AKAP8: variants seen among roughly 807,000 people sequenced by gnomAD.
The protein encoded by AKAP8 is A-kinase anchoring protein 8.
A neutral mutation model predicts 67.5 loss-of-function variants in AKAP8; 24 were observed. That is an observed-to-expected ratio of 0.36 (90% CI 0.26 to 0.50). AKAP8 has a LOEUF of 0.50. Among genes scored for constraint, AKAP8 ranks in the 20% least tolerant of loss-of-function variants. The probability of loss-of-function intolerance (pLI) is 0.97; values close to 1 mark genes in which losing one functional copy is unlikely to be tolerated. For missense variants in AKAP8, 971 were observed against 955.9 expected (o/e 1.02, Z -0.21); for synonymous variants, 400 against 371.1 (o/e 1.08, Z -0.90).
At chr19:15,373,721 C>T in intron 4 of AKAP8, 65 bp downstream of exon 4, 1 of 1,521,654 alleles carries the variant, frequency 6.6e-7, no homozygotes, top group Non-Finnish European at 8.8e-7. Flanking sequence ...AGTGGGTGCC[C>T]ACTCCCATGC....
intron 6 of AKAP8, 34 bp from the exon 7 acceptor site, chr19:15,372,032 C>A: frequency 6.2e-7 from 1 of 1,613,598 alleles, no homozygotes; most frequent in Non-Finnish European, 8.5e-7. Flanking sequence ...AGTCAGTCCC[C>A]GGAGAACGGT....
chr19:15,374,767 T>A, intron 2 of AKAP8, 132 bp from the exon 3 acceptor site: 3 of 1,000,604 alleles, frequency 3.0e-6, no homozygotes, highest in East Asian at 2.7e-5. Context: ...GGAGACACCC[T>A]TGGGTGTTTT....
At chr19:15,367,130 C>T (rs910091212) in intron 9 of AKAP8, among the ~76,000 whole-genome samples, 1 of 152,208 alleles carries the variant, frequency 6.6e-6, no homozygotes, top group Admixed American at 6.5e-5. Context: ...TGGTCTTGAA[C>T]TCCCGGCCTC....
intron 9 of AKAP8, among the ~76,000 whole-genome samples, chr19:15,367,395 T>G (rs1967087999): frequency 6.6e-6 from 1 of 151,950 alleles, no homozygotes; most frequent in Non-Finnish European, 1.5e-5. Context: ...AGGCGTGGTG[T>G]CAGGCGCCTG....
In AKAP8 at chr19:15,369,472, G is replaced by A. The variant is rs1029401818; in HGVS notation, c.1072+674C>T. 5.9e-5 allele frequency among the ~76,000 whole-genome samples: 9 copies of A among 152,230 alleles called. No homozygotes were observed. The highest frequency in any genetic ancestry group is 1.0e-4 in the Non-Finnish European group (7 of 68,038). On this transcript the variant is annotated intron_variant, in intron 8 of 13. Transcript: ENST00000269701. The surrounding 1 kb of genome is among the most constrained non-coding windows in gnomAD (Gnocchi z 4.6). The stretch of plus-strand genomic sequence containing the variant: ...AGACCCACAGGACAGGTAAAGAAAC[G>A]AGTGGCTTCAGGGTGAGCTCCAGGC...
intron 2 of AKAP8, among the ~76,000 whole-genome samples, chr19:15,375,664 T>C (rs575508232): frequency 7.0e-6 from 1 of 142,622 alleles, no homozygotes; most frequent in Non-Finnish European, 1.5e-5. Flanking sequence ...TGAGATGGAG[T>C]CTCGCTCTGT....
chr19:15,374,249 G>C (rs1290702039), intron 3 of AKAP8, among the ~76,000 whole-genome samples, 184 bp from the exon 4 acceptor site: 1 of 152,234 alleles, frequency 6.6e-6, no homozygotes, highest in Non-Finnish European at 1.5e-5. Flanking sequence ...GCCAGAGAAA[G>C]GGGCAGCCTC....
At chr19:15,374,783 C>T (rs1967224369) in intron 2 of AKAP8, 148 bp from the exon 3 acceptor site, 1 of 818,418 alleles carries the variant, frequency 1.2e-6, no homozygotes, top group African/African-American at 1.7e-5. Flanking sequence ...GTTTTTAGCT[C>T]ACTCAACTCC....
intron 3 of AKAP8, among the ~76,000 whole-genome samples, chr19:15,374,349 G>A (rs1458245859): frequency 1.3e-5 from 2 of 152,182 alleles, no homozygotes; most frequent in Non-Finnish European, 2.9e-5. Context: ...CAGCAGTTCC[G>A]GCTGCTGACA....
chr19:15,370,020 C>T (rs548090543), intron 8 of AKAP8, 126 bp downstream of exon 8: 13 of 1,153,958 alleles, frequency 1.1e-5, no homozygotes, highest in South Asian at 3.8e-5. Flanking sequence ...CTGGTGGCTG[C>T]AGCCCCTCTT....
At chr19:15,359,084 A>G in intron 12 of AKAP8, 22 bp from the exon 13 acceptor site, 2 of 1,606,436 alleles carry the variant, frequency 1.2e-6, no homozygotes, top group Non-Finnish European at 8.5e-7. Flanking sequence ...ACCAAATGTG[A>G]GCTCTTAAAA....
chr19:15,361,945 C>G (rs1966973472), intron 10 of AKAP8, 123 bp from the exon 11 acceptor site: 3 of 1,344,124 alleles, frequency 2.2e-6, no homozygotes, highest in Non-Finnish European at 3.1e-6. Context: ...AGCACGATGG[C>G]TGGAGCTCCC....
intron 9 of AKAP8, 27 bp from the exon 10 acceptor site, chr19:15,362,278 T>C (rs1471107776): frequency 5.0e-6 from 8 of 1,612,006 alleles, no homozygotes; most frequent in African/African-American, 1.3e-5. Flanking sequence ...AGGAGGGGAG[T>C]GAAGCAGGGA....
Position 15,355,182 on chromosome 19 carries a change from A to G in AKAP8, c.1812T>C (p.Ala604=). Residue 604 remains alanine (A), a synonymous_variant, in exon 14 of 14, where the codon GCT becomes GCC. Transcript: ENST00000269701. ...CTGTGTCCGTGGGGCCTTCGTCCTC[A>G]GCCGGCTCCCCGCTGCTCTCTGGAG... The part of the protein sequence containing the change: ...APAPESSGEP[A]EDEGPTDTAE... 1 of 1,612,224 alleles carries G rather than the reference A, an allele frequency of 6.2e-7. No individual in the cohort carries two copies. The highest frequency in any genetic ancestry group is 2.2e-5 in the East Asian group (1 of 44,878).
At chr19:15,374,481 C>G in intron 3 of AKAP8, 122 bp downstream of exon 3, 1 of 1,223,406 alleles carries the variant, frequency 8.2e-7, no homozygotes. Flanking sequence ...CCGTGGCTGA[C>G]TGCGTCCTCA....
chr19:15,374,571 C>T (rs193271321), intron 3 of AKAP8, 32 bp downstream of exon 3: 241 of 1,608,076 alleles, frequency 1.5e-4, no homozygotes, highest in Admixed American at 9.4e-4. Context: ...CCCACTTGCC[C>T]GCCCACAGAC....
At chr19:15,374,566 T>C (rs202246624) in intron 3 of AKAP8, 37 bp downstream of exon 3, 26 of 1,606,822 alleles carry the variant, frequency 1.6e-5, no homozygotes, top group African/African-American at 1.3e-4. Context: ...AGAGGCCCAC[T>C]TGCCCGCCCA....
intron 4 of AKAP8, 25 bp from the exon 5 acceptor site, chr19:15,373,365 G>T (rs989376691): frequency 1.9e-6 from 3 of 1,579,482 alleles, no homozygotes; most frequent in Non-Finnish European, 2.6e-6. Flanking sequence ...CAGCCCATCA[G>T]GGGCGGTCAC....
intron 2 of AKAP8, among the ~76,000 whole-genome samples, chr19:15,376,219 T>C (rs1218120376): frequency 6.6e-6 from 1 of 152,128 alleles, no homozygotes; most frequent in Non-Finnish European, 1.5e-5. Context: ...CTCGCCCAGC[T>C]AATGAAAGAT....
Sources: gnomAD v4.1 joint callset for allele counts (sites outside exome capture counted in the v4.1 genomes callset) on GRCh38, gnomAD v4.1.1 for gene constraint, Gnocchi (gnomAD v3.1) non-coding constraint, MANE v1.5 for transcripts, NCBI Gene and HGNC (gene_info 2026-07-23, HGNC 2026-07-21) for gene names.